Variants in OGFOD1 observed in about 807,000 individuals in gnomAD.
The protein encoded by OGFOD1 is prolyl 3-hydroxylase OGFOD1.
OGFOD1 carries 54 observed loss-of-function variants against 67.7 expected under a neutral mutation model. The observed-to-expected ratio is 0.80, with a 90% confidence interval of 0.64 to 1.00. OGFOD1 has a LOEUF of 1.00. Ranked by LOEUF, OGFOD1 falls within the 50% of genes least tolerant of loss-of-function variation. The pLI, the probability that OGFOD1 is intolerant of heterozygous loss-of-function variation, is 0.00. For synonymous variants in OGFOD1, 221 were observed against 227.0 expected (o/e 0.97, Z 0.24); for missense variants, 606 against 646.7 (o/e 0.94, Z 0.68).
intron 3 of OGFOD1, chr16:56,458,795 T>C: frequency 1.9e-6 from 1 of 539,946 alleles, no homozygotes; most frequent in South Asian, 2.2e-5. Context: ...GTCTGTCTGA[T>C]TCCAAGGCCC....
At chr16:56,467,063 A>G in intron 6 of OGFOD1, 96 bp downstream of exon 6, 1 of 1,552,200 alleles carries the variant, frequency 6.4e-7, no homozygotes, top group Non-Finnish European at 8.9e-7. Flanking sequence ...TTGTTATCTG[A>G]TGTTGTTTTA....
chr16:56,468,365 C>G (rs1404437511), intron 8 of OGFOD1, among the ~76,000 whole-genome samples: 4 of 152,116 alleles, frequency 2.6e-5, no homozygotes, highest in African/African-American at 9.7e-5. Flanking sequence ...ACTAATAGAT[C>G]AATATCTGTT....
rs79975550 is a variant in OGFOD1 at position 56,471,028 on chromosome 16, A to G, written c.1285+237A>G. 5.9e-5 allele frequency among the ~76,000 whole-genome samples: 9 copies of G among 152,232 alleles called. No homozygotes were observed. In the East Asian group the frequency reaches 1.7e-3, roughly 29 times the overall value. On this transcript the variant is annotated intron_variant, in intron 10 of 12. Coordinates refer to ENST00000566157, the MANE Select transcript of OGFOD1 (RefSeq NM_018233.4). ...CGTCAAGTAATGATAAGTGCTATGC[A>G]AAACATTGTAATAGGGTTATATGAC... is the stretch of plus-strand genomic sequence containing the variant.
chr16:56,474,689 T>C (rs1963373543), intron 10 of OGFOD1, 139 bp from the exon 11 acceptor site: 1 of 641,714 alleles, frequency 1.6e-6, no homozygotes, highest in Admixed American at 3.1e-5. Flanking sequence ...GCTGGATTGG[T>C]AGAATAGCAC....
At chr16:56,457,323 C>T (rs2143976193) in intron 2 of OGFOD1, among the ~76,000 whole-genome samples, 1 of 152,274 alleles carries the variant, frequency 6.6e-6, no homozygotes, top group African/African-American at 2.4e-5. Flanking sequence ...CAAAAGGCTA[C>T]ATATTATATG....
Position 56,478,465 on chromosome 16 carries a change from C to T in OGFOD1, c.*2260C>T, listed in dbSNP as rs577125805. ...TGGTTAATGTCACAGCTTGCCTTTTCTATATTCCAGCTGACTAAAGGTCAT... is the reference window on the plus strand; with the variant it reads ...TGGTTAATGTCACAGCTTGCCTTTTTTATATTCCAGCTGACTAAAGGTCAT... On this transcript the variant is annotated 3_prime_UTR_variant, in exon 13 of 13. Transcript: ENST00000566157. 1 of 152,308 alleles carries T rather than the reference C, an allele frequency of 6.6e-6. No individual in the cohort carries two copies. Among genetic ancestry groups the T allele is most frequent in the East Asian group, 1.9e-4 (1 of 5,190 alleles). The allele number at this position is 152,308 out of a possible 1,614,324, so 9.4% of individuals were successfully genotyped here. A position where few individuals can be genotyped will look rare whatever the true frequency, so the allele number is the denominator to read the frequency against.
intron 3 of OGFOD1, among the ~76,000 whole-genome samples, chr16:56,460,992 A>G (rs1347439266): frequency 6.6e-6 from 1 of 152,230 alleles, no homozygotes; most frequent in African/African-American, 2.4e-5. Context: ...TTCTATTGGT[A>G]TCCTGTTAGC....
At chr16:56,474,598 G>T (rs1430496538) in intron 10 of OGFOD1, among the ~76,000 whole-genome samples, 1 of 152,018 alleles carries the variant, frequency 6.6e-6, no homozygotes, top group Non-Finnish European at 1.5e-5. Flanking sequence ...GGGATTACAG[G>T]CATGAGCCAC....
At position 56,478,030 on chromosome 16, in the gene OGFOD1, T is replaced by C. The variant is rs982921095; in HGVS notation, c.*1825T>C. 3.9e-5 allele frequency: 6 copies of C among 152,254 alleles called. No homozygotes were observed. Among genetic ancestry groups the C allele is most frequent in the African/African-American group, 4.8e-5 (2 of 41,464 alleles). 9.4% of individuals were successfully genotyped at this position (152,254 alleles called of 1,614,324 possible). On this transcript the variant is annotated 3_prime_UTR_variant, in exon 13 of 13. Transcript: ENST00000566157. ...TACACATGTAGTAATATTATTTCTA[T>C]AACTTACTGTTATAAAACACTAATT... is the stretch of plus-strand genomic sequence containing the variant.
chr16:56,460,370 ACTTT>A (rs1366773161), intron 3 of OGFOD1, among the ~76,000 whole-genome samples: 6 of 152,274 alleles, frequency 3.9e-5, no homozygotes, highest in Non-Finnish European at 8.8e-5. Context: ...TCCTTGTGAC[ACTTT>A]CATAGAATGA....
At chr16:56,457,572 A>T (rs1428988392) in intron 2 of OGFOD1, among the ~76,000 whole-genome samples, 2 of 150,804 alleles carry the variant, frequency 1.3e-5, no homozygotes, top group African/African-American at 2.5e-5. Context: ...ATATTATCTT[A>T]AAAAATGTTC....
chr16:56,456,435 T>G (rs2143973014), intron 2 of OGFOD1, among the ~76,000 whole-genome samples: 1 of 152,342 alleles, frequency 6.6e-6, no homozygotes, highest in East Asian at 1.9e-4. Flanking sequence ...AAACTTCTGG[T>G]CTTCTCCCTC....
chr16:56,474,790 T>C, intron 10 of OGFOD1, 38 bp from the exon 11 acceptor site: 1 of 1,575,864 alleles, frequency 6.3e-7, no homozygotes, highest in Non-Finnish European at 8.6e-7. Context: ...CTATCAAGGT[T>C]ATTTTTTAAA....
At chr16:56,472,826 C>T (rs1225992967) in intron 10 of OGFOD1, among the ~76,000 whole-genome samples, 1 of 152,102 alleles carries the variant, frequency 6.6e-6, no homozygotes, top group Non-Finnish European at 1.5e-5. Context: ...ATTTCATAAA[C>T]CTCTTTCTGA....
intron 3 of OGFOD1, 71 bp downstream of exon 3, chr16:56,458,665 A>G (rs1962610076): frequency 8.2e-7 from 1 of 1,221,358 alleles, no homozygotes; most frequent in Non-Finnish European, 1.2e-6. Flanking sequence ...TAAATGTTAC[A>G]ACATTGTGTA....
intron 5 of OGFOD1, 84 bp from the exon 6 acceptor site, chr16:56,466,792 G>C (rs1962917371): frequency 1.0e-6 from 1 of 1,004,212 alleles, no homozygotes; most frequent in African/African-American, 1.6e-5. Context: ...GATGCCCTCA[G>C]AAGTTTGGAA....
In OGFOD1 at chr16:56,476,140, G is replaced by A; in HGVS notation, c.1564G>A (p.Glu522Lys). ...FVKHINHRSL[E>K]QKKTFPNRTG... The stretch of plus-strand genomic sequence containing the variant: ...CAAGCATATTAACCACCGAAGCCTG[G>A]AACAAAAGAAAACCTTCCCAAACAG... Residue 522 changes from glutamate (E) to lysine (K), a missense_variant, in exon 13 of 13, where the codon GAA becomes AAA. Coordinates refer to ENST00000566157, the MANE Select transcript of OGFOD1 (RefSeq NM_018233.4). 2 of 1,613,796 alleles carry A rather than the reference G, an allele frequency of 1.2e-6. No individual in the cohort carries two copies. Among genetic ancestry groups the A allele is most frequent in the East Asian group, 2.2e-5 (1 of 44,860 alleles).
In OGFOD1 at chr16:56,466,404, A is replaced by C. The variant is rs1448080359; in HGVS notation, c.565+136A>C. 4.9e-6 allele frequency: 3 copies of C among 610,274 alleles called. No individual in the cohort carries two copies. In the African/African-American group the frequency reaches 5.6e-5, roughly 11 times the overall value. The allele number at this position is 610,274 out of a possible 1,614,324, so 37.8% of individuals were successfully genotyped here. A position where few individuals can be genotyped will look rare whatever the true frequency, so the allele number is the denominator to read the frequency against. ...GTGGAAGCTATTTATTATAGTAACT[A>C]CCTCAAGAGGAATAAATGCCAGCCC... On this transcript the variant is annotated intron_variant, in intron 5 of 12. Transcript: ENST00000566157.
chr16:56,463,410 T>G (rs955635189), intron 4 of OGFOD1, among the ~76,000 whole-genome samples: 1 of 140,310 alleles, frequency 7.1e-6, no homozygotes, highest in African/African-American at 2.7e-5. Context: ...TTTTTTTTTT[T>G]TTTTGGTTTG....
Sources: allele counts gnomAD v4.1 joint callset (sites outside exome capture counted in the v4.1 genomes callset), GRCh38; gene constraint gnomAD v4.1.1; transcripts MANE v1.5; gene names NCBI Gene and HGNC (gene_info 2026-07-23, HGNC 2026-07-21).